Variants in GRIK4 observed in about 807,000 individuals in gnomAD.
GRIK4 encodes glutamate ionotropic receptor kainate type subunit 4, also known as glutamate receptor ionotropic, kainate 4.
Under a neutral mutation model 104.9 loss-of-function variants are expected in GRIK4, and 40 were observed. The ratio of observed to expected loss-of-function variants is 0.38; its 90% CI spans 0.30 to 0.50. The LOEUF (loss-of-function observed/expected upper bound fraction) is 0.50, where lower values mean the gene tolerates loss of function less well. Ranked by LOEUF, GRIK4 falls within the 20% of genes least tolerant of loss-of-function variation. GRIK4 has a pLI of 0.93. For missense variants in GRIK4, 1,047 were observed against 1,308.1 expected (o/e 0.80, Z 3.08); for synonymous variants, 485 against 524.9 (o/e 0.92, Z 1.04).
At chr11:120,758,997 A>G (rs1247459328) in intron 3 of GRIK4, among the ~76,000 whole-genome samples, 2 of 152,190 alleles carry the variant, frequency 1.3e-5, no homozygotes, top group African/African-American at 2.4e-5. Flanking sequence ...ACACATAATA[A>G]TAGATAAGTG....
chr11:120,765,127 C>T (rs1293803878), intron 3 of GRIK4, among the ~76,000 whole-genome samples: 3 of 151,934 alleles, frequency 2.0e-5, no homozygotes, highest in Non-Finnish European at 2.9e-5. Context: ...TCTTATAGTC[C>T]CATATTTCTT....
chr11:120,724,527 C>T (rs1431653708), intron 3 of GRIK4, among the ~76,000 whole-genome samples: 1 of 152,160 alleles, frequency 6.6e-6, no homozygotes, highest in Non-Finnish European at 1.5e-5. Flanking sequence ...ATGTTATTGG[C>T]ATTGAATGTG....
intron 3 of GRIK4, among the ~76,000 whole-genome samples, chr11:120,687,054 C>T (rs941716530): frequency 1.3e-5 from 2 of 152,274 alleles, no homozygotes; most frequent in Middle Eastern, 3.4e-3. Flanking sequence ...TGAATTCATG[C>T]TAGACTATTA....
chr11:120,986,134 C>T lies in GRIK4; in HGVS notation c.2745C>T (p.Gly915=). The stretch of plus-strand genomic sequence containing the variant: ...AGGAGGCCGCCCTGGTGGCCCGCGG[C>T]TGCACGCACATCCGCGTCTGCCCCG... ...LAQEAALVAR[G]CTHIRVCPEC... is the part of the protein sequence containing the mutation. Residue 915 remains glycine, a synonymous_variant, in exon 21 of 21, where the codon GGC becomes GGT. Transcript: ENST00000527524. 2 of 1,527,180 alleles carry T rather than the reference C, an allele frequency of 1.3e-6. No individual in the cohort carries two copies. The highest frequency in any genetic ancestry group is 1.7e-6 in the Non-Finnish European group (2 of 1,146,048). The allele number at this position is 1,527,180 out of a possible 1,614,324, so 94.6% of individuals were successfully genotyped here.
At position 120,872,180 on chromosome 11, in the gene GRIK4, T is replaced by C. The variant is rs894251694; in HGVS notation, c.907-1886T>C. ...CAGTTTGCAGAGCACTTTTACAGAC[T>C]TGTGAGGCAGGGACTGCTGCTTCTC... On this transcript the variant is annotated intron_variant, in intron 9 of 20. Coordinates refer to ENST00000527524, the MANE Select transcript of GRIK4 (RefSeq NM_014619.5). The C allele has an allele frequency of 9.1e-5, 29 of 317,854 alleles. No individual in the cohort carries two copies. In the Admixed American group the frequency reaches 1.1e-3, roughly 12 times the overall value. The allele number at this position is 317,854 out of a possible 1,614,324, so 19.7% of individuals were successfully genotyped here. A position where few individuals can be genotyped will look rare whatever the true frequency, so the allele number is the denominator to read the frequency against.
intron 3 of GRIK4, among the ~76,000 whole-genome samples, chr11:120,770,697 C>G (rs1951924883): frequency 6.6e-6 from 1 of 152,188 alleles, no homozygotes; most frequent in African/African-American, 2.4e-5. Flanking sequence ...CTGCCAAACT[C>G]ATGTATACTT....
chr11:120,959,958 G>T (rs1332397229), intron 16 of GRIK4, among the ~76,000 whole-genome samples: 1 of 152,142 alleles, frequency 6.6e-6, no homozygotes, highest in African/African-American at 2.4e-5. Context: ...GAGCCCGGGA[G>T]TTCTAGGTTG....
At chr11:120,720,905 A>C (rs564413481) in intron 3 of GRIK4, among the ~76,000 whole-genome samples, 30 of 152,260 alleles carry the variant, frequency 2.0e-4, no homozygotes, top group Non-Finnish European at 3.5e-4. Flanking sequence ...ATGAATGCAA[A>C]GACAGAAGAG....
intron 3 of GRIK4, among the ~76,000 whole-genome samples, chr11:120,750,183 A>G (rs987757323): frequency 6.6e-6 from 1 of 152,006 alleles, no homozygotes; most frequent in African/African-American, 2.4e-5. Flanking sequence ...GGCAACCCTG[A>G]AAGAGGGGGT....
rs73584422 is a variant in GRIK4 at position 120,879,184 on chromosome 11, G to A, written c.1164+3941G>A. Among the ~76,000 whole-genome samples the A allele has an allele frequency of 8.2e-3, 1,244 of 152,254 alleles. 17 individuals carry two copies. The highest frequency in any genetic ancestry group is 0.028 in the African/African-American group (1,172 of 41,522). Reference sequence around the variant, plus strand: ...GTCCAATGGCAAAGCCCGTGCTCTCGGATCCCCCACTCCTGGCTATTCCTC... The same window carrying A: ...GTCCAATGGCAAAGCCCGTGCTCTCAGATCCCCCACTCCTGGCTATTCCTC... On this transcript the variant is annotated intron_variant, in intron 11 of 20. Transcript: ENST00000527524.
chr11:120,834,238 G>A (rs1042348498), intron 7 of GRIK4, among the ~76,000 whole-genome samples: 1 of 150,992 alleles, frequency 6.6e-6, no homozygotes, highest in African/African-American at 2.4e-5. Flanking sequence ...CCAATACTGG[G>A]TATGTTAATT....
intron 3 of GRIK4, among the ~76,000 whole-genome samples, chr11:120,727,240 G>C (rs765716089): frequency 2.0e-5 from 3 of 152,110 alleles, no homozygotes; most frequent in Non-Finnish European, 2.9e-5. Flanking sequence ...GACCTCTCAG[G>C]GCTTCCTTCC....
At chr11:120,593,804 C>A (rs188871666) in intron 1 of GRIK4, among the ~76,000 whole-genome samples, 1 of 152,318 alleles carries the variant, frequency 6.6e-6, no homozygotes, top group East Asian at 1.9e-4. Flanking sequence ...GTTTCTACCT[C>A]TTTCCCCATC....
At chr11:120,585,783 A>G (rs149164228) in intron 1 of GRIK4, among the ~76,000 whole-genome samples, 89 of 149,422 alleles carry the variant, frequency 6.0e-4, no homozygotes, top group African/African-American at 2.0e-3. Context: ...TGAAAAGTCT[A>G]TCCTTCCTCT....
At chr11:120,847,491 G>T (rs932162651) in intron 8 of GRIK4, among the ~76,000 whole-genome samples, 1 of 152,232 alleles carries the variant, frequency 6.6e-6, no homozygotes, top group African/African-American at 2.4e-5. Flanking sequence ...CCTGGAATAG[G>T]CCAATCCAAA....
chr11:120,724,384 TAAA>T (rs1331010402), intron 3 of GRIK4, among the ~76,000 whole-genome samples: 1 of 152,228 alleles, frequency 6.6e-6, no homozygotes, highest in Admixed American at 6.5e-5. Flanking sequence ...ATTCACCAGT[TAAA>T]GGACATTTGA....
intron 1 of GRIK4, among the ~76,000 whole-genome samples, chr11:120,581,633 T>A (rs1037030091): frequency 6.6e-5 from 10 of 152,190 alleles, no homozygotes; most frequent in Non-Finnish European, 1.3e-4. Context: ...CTACTCTAGA[T>A]ACCTCATGTA....
chr11:120,680,397 A>G (rs1420416006), intron 3 of GRIK4, among the ~76,000 whole-genome samples: 3 of 152,004 alleles, frequency 2.0e-5, no homozygotes, highest in Non-Finnish European at 2.9e-5. Flanking sequence ...GGCCTTTTCT[A>G]TCTCCTCTGA....
At chr11:120,962,096 T>TGAGG (rs1001888989) in intron 17 of GRIK4, among the ~76,000 whole-genome samples, 4 of 152,146 alleles carry the variant, frequency 2.6e-5, no homozygotes, top group African/African-American at 9.7e-5. Context: ...TGCCCCAAAT[T>TGAGG]GAGGGACAAT....
Sources: allele counts gnomAD v4.1 joint callset (sites outside exome capture counted in the v4.1 genomes callset), GRCh38; gene constraint gnomAD v4.1.1; transcripts MANE v1.5; gene names NCBI Gene and HGNC (gene_info 2026-07-23, HGNC 2026-07-21).